Variants in STARD13 observed in about 807,000 individuals in gnomAD.
The protein encoded by STARD13 is stAR-related lipid transfer protein 13.
STARD13 carries 62 observed loss-of-function variants against 106.4 expected under a neutral mutation model. The observed-to-expected ratio is 0.58, with a 90% CI of 0.48 to 0.72. The LOEUF is 0.72. Among genes scored for constraint, STARD13 ranks in the 30% least tolerant of loss-of-function variants. The pLI is 0.00. For synonymous variants in STARD13, 565 were observed against 553.0 expected (o/e 1.02, Z -0.31); for missense variants, 1,387 against 1,424.0 (o/e 0.97, Z 0.42).
intron 1 of STARD13, among the ~76,000 whole-genome samples, chr13:33,235,880 G>A (rs1245567344): frequency 1.3e-5 from 2 of 152,240 alleles, no homozygotes; most frequent in Non-Finnish European, 2.9e-5. Flanking sequence ...TGTCCTAAGA[G>A]CAGCAGGTGT....
At chr13:33,179,242 G>A (rs542226028) in intron 1 of STARD13, among the ~76,000 whole-genome samples, 35 of 152,216 alleles carry the variant, frequency 2.3e-4, no homozygotes, top group African/African-American at 7.2e-4. Flanking sequence ...GGGTAAATAC[G>A]GCATCAAGCA....
At chr13:33,475,017 T>C in the STARD13 span, among the ~76,000 whole-genome samples, 2 of 152,134 alleles carry the variant, frequency 1.3e-5, no homozygotes, top group Non-Finnish European at 2.9e-5. Flanking sequence ...ATAAAAGAAG[T>C]GAGTGCATAT....
intron 1 of STARD13, among the ~76,000 whole-genome samples, chr13:33,182,075 T>G (rs1257558352): frequency 1.3e-5 from 2 of 152,198 alleles, no homozygotes; most frequent in African/African-American, 4.8e-5. Flanking sequence ...AGAAATAAAC[T>G]TCATGTAGTT....
At chr13:33,649,715 T>C in the STARD13 span, among the ~76,000 whole-genome samples, 1 of 152,094 alleles carries the variant, frequency 6.6e-6, no homozygotes, top group African/African-American at 2.4e-5. Context: ...GTAATTTAAC[T>C]TCTGAATTTA....
the STARD13 span, among the ~76,000 whole-genome samples, chr13:33,675,039 C>T: frequency 6.6e-6 from 1 of 152,200 alleles, no homozygotes; most frequent in Non-Finnish European, 1.5e-5. Flanking sequence ...GGTGTCCTGG[C>T]TGCATGAAGT....
chr13:33,506,502 T>A, the STARD13 span, among the ~76,000 whole-genome samples: 1 of 152,164 alleles, frequency 6.6e-6, no homozygotes, highest in African/African-American at 2.4e-5. Context: ...TTCCAAAGAC[T>A]TAGAGACTTT....
intron 1 of STARD13, among the ~76,000 whole-genome samples, chr13:33,284,347 AGATTTTCAT>A (rs1297285579): frequency 2.0e-5 from 3 of 152,232 alleles, no homozygotes; most frequent in Admixed American, 6.5e-5. Context: ...CATTACAATA[AGATTTTCAT>A]GATTACAAAC....
chr13:33,648,371 C>T, the STARD13 span, among the ~76,000 whole-genome samples: 1 of 152,222 alleles, frequency 6.6e-6, no homozygotes, highest in Non-Finnish European at 1.5e-5. Flanking sequence ...ACTTTGGGTT[C>T]TAGTACAGCG....
At chr13:33,248,380 T>G (rs1411463424) in intron 1 of STARD13, among the ~76,000 whole-genome samples, 5 of 152,218 alleles carry the variant, frequency 3.3e-5, no homozygotes, top group Non-Finnish European at 7.3e-5. Context: ...TAAAGGAATG[T>G]AATTTAATAG....
At chr13:33,281,188 T>G (rs996009683) in intron 1 of STARD13, 1 of 152,158 alleles carries the variant, frequency 6.6e-6, no homozygotes, top group Non-Finnish European at 1.5e-5. Flanking sequence ...AAAGGTCCAG[T>G]GAAGCTCTGG....
the STARD13 span, among the ~76,000 whole-genome samples, chr13:33,368,336 C>T: frequency 3.3e-5 from 5 of 152,286 alleles, no homozygotes; most frequent in Non-Finnish European, 4.4e-5. Context: ...TCATAATTAA[C>T]ATTCACTCAC....
chr13:33,326,307 G>A (rs1052373716), intron 1 of STARD13, among the ~76,000 whole-genome samples: 3 of 152,180 alleles, frequency 2.0e-5, no homozygotes, highest in Middle Eastern at 3.2e-3. Context: ...TGCCAGAGCT[G>A]TTTTCACTTA....
chr13:33,338,355 C>G (rs558068460), intron 1 of STARD13, among the ~76,000 whole-genome samples: 1 of 152,262 alleles, frequency 6.6e-6, no homozygotes, highest in East Asian at 1.9e-4. Context: ...CAATTTCTCT[C>G]ATTTTAATTA....
the STARD13 span, among the ~76,000 whole-genome samples, chr13:33,495,706 T>C: frequency 6.6e-6 from 1 of 151,564 alleles, no homozygotes; most frequent in East Asian, 1.9e-4. Context: ...CATGCCTCTT[T>C]TATAATGGAT....
intron 1 of STARD13, among the ~76,000 whole-genome samples, chr13:33,268,570 C>T (rs75963113): frequency 6.6e-5 from 10 of 152,142 alleles, no homozygotes; most frequent in Admixed American, 2.0e-4. Context: ...CCATTTTAGA[C>T]GAGGAAATAG....
intron 1 of STARD13, chr13:33,334,135 T>A (rs1183845508): frequency 6.6e-6 from 1 of 152,202 alleles, no homozygotes; most frequent in African/African-American, 2.4e-5. Context: ...ATATAATCTA[T>A]CAACAATTCA....
chr13:33,418,032 C>T, the STARD13 span, among the ~76,000 whole-genome samples: 10 of 152,174 alleles, frequency 6.6e-5, no homozygotes, highest in African/African-American at 9.6e-5. Context: ...ATGGAGAAGA[C>T]GGGTGATTTC....
chr13:33,625,733 C>T, the STARD13 span, among the ~76,000 whole-genome samples: 3 of 151,584 alleles, frequency 2.0e-5, no homozygotes, highest in Non-Finnish European at 2.9e-5. Context: ...GACGGAGTCT[C>T]GCTCTGTCAC....
At chr13:33,258,300 C>T (rs1281992708) in intron 1 of STARD13, among the ~76,000 whole-genome samples, 1 of 152,146 alleles carries the variant, frequency 6.6e-6, no homozygotes, top group Non-Finnish European at 1.5e-5. Context: ...CTTCCATAAC[C>T]ATTTTCCTAA....
Sources: allele counts gnomAD v4.1 joint callset (sites outside exome capture counted in the v4.1 genomes callset), GRCh38; gene constraint gnomAD v4.1.1; transcripts MANE v1.5; gene names NCBI Gene and HGNC (gene_info 2026-07-23, HGNC 2026-07-21).